PLEKHG5: variants seen among roughly 807,000 people sequenced by gnomAD.
PLEKHG5 encodes the protein pleckstrin homology and RhoGEF domain containing G5.
A neutral mutation model predicts 103.8 loss-of-function variants in PLEKHG5; 52 were observed. The observed-to-expected ratio is 0.50, with a 90% confidence interval of 0.40 to 0.63. The LOEUF (loss-of-function observed/expected upper bound fraction) is 0.63, where lower values mean the gene tolerates loss of function less well. Among genes scored for constraint, PLEKHG5 ranks in the 30% least tolerant of loss-of-function variants. The pLI, the probability that PLEKHG5 is intolerant of heterozygous loss-of-function variation, is 0.00. For missense variants in PLEKHG5, 1,205 were observed against 1,347.6 expected, an observed-to-expected ratio of 0.89 and a Z score of 1.66; for synonymous variants, 592 against 575.5, an observed-to-expected ratio of 1.03 and a Z score of -0.41.
rs2148585629 is a variant in PLEKHG5 at position 6,471,778 on chromosome 1, C to T, written c.1111G>A (p.Glu371Lys). Residue 371 changes from glutamate (E) to lysine (K), a missense_variant, in exon 11 of 21, where the codon GAG becomes AAG. Physicochemically the swap from Glu to Lys is moderately conservative, Grantham distance 56. Transcript: ENST00000377728. ...CGCACCTCACACAGCAGCCCTGACT[C>T]TTGCAGGTTCAGGAGGCAGCACAGG... ...LFLCCLLNLQ[E>K]SGLLCEVEAE... The T allele has an allele frequency of 6.2e-7, 1 of 1,610,532 alleles. No homozygotes were observed. The highest frequency in any genetic ancestry group is 8.5e-7 in the Non-Finnish European group (1 of 1,178,652).
In PLEKHG5 at chr1:6,505,906, C is replaced by A. The variant is rs1457241301; in HGVS notation, c.-164-9337G>T. On this transcript the variant is annotated intron_variant, in intron 1 of 21. Transcript: ENST00000377740. This position sits in a 1 kb window ranked among gnomAD's most constrained non-coding sequence, Gnocchi z 4.2. ...CTCAGGAGTGGCTCTGGCCCCCACA[C>A]CACCGTGGAGCAAGTGACTGTCAGC... The A allele has an allele frequency of 1.3e-5, 2 of 152,600 alleles. No individual in the cohort carries two copies. Among genetic ancestry groups the A allele is most frequent in the South Asian group, 2.1e-4 (1 of 4,842 alleles). The allele number at this position is 152,600 out of a possible 1,614,324, so 9.5% of individuals were successfully genotyped here.
Position 6,475,584 on chromosome 1 carries a change from C to T in PLEKHG5, c.150-62G>A, listed in dbSNP as rs143880915. ...GGGTGGCCCTCGCCAGCGTGGGCGG[C>T]GAGTGGGCCTGTGGCCTCCCCGCCC... is the stretch of plus-strand genomic sequence containing the variant. On this transcript the variant is annotated intron_variant, in intron 3 of 20. Coordinates refer to ENST00000377728, the MANE Select transcript of PLEKHG5 (RefSeq NM_020631.6). 11,165 of 1,432,290 alleles carry T rather than the reference C, an allele frequency of 7.8e-3. 70 individuals carry two copies. Among genetic ancestry groups the T allele is most frequent in the Middle Eastern group, 0.031 (170 of 5,518 alleles). 88.7% of individuals were successfully genotyped at this position (1,432,290 alleles called of 1,614,324 possible). A position where few individuals can be genotyped will look rare whatever the true frequency, so the allele number is the denominator to read the frequency against.
rs1645301027 is a variant in PLEKHG5, at chr1:6,501,955, C to T, written c.-164-5386G>A. ...GTCTCAAGAAAACAGGCCCTCCCTG[C>T]CCACGACCTCCCAACCACAGGCCTG... On this transcript the variant is annotated intron_variant, in intron 1 of 21. Transcript: ENST00000377740. The surrounding 1 kb of genome is among the most constrained non-coding windows in gnomAD (Gnocchi z 4.3). 6.6e-6 allele frequency among the ~76,000 whole-genome samples: 1 copy of T among 152,260 alleles called. No individual in the cohort carries two copies. Among genetic ancestry groups the T allele is most frequent in the Admixed American group, 6.5e-5 (1 of 15,286 alleles).
chr1:6,502,423 C>G (rs1645305416), intron 1 of PLEKHG5, among the ~76,000 whole-genome samples: 1 of 152,214 alleles, frequency 6.6e-6, no homozygotes, highest in Non-Finnish European at 1.5e-5. Context: ...GACCGGAGAG[C>G]TGAACACAGC....
At chr1:6,485,272 C>T in intron 1 of PLEKHG5, 1 of 1,205,446 alleles carries the variant, frequency 8.3e-7, no homozygotes, top group South Asian at 2.1e-5. Flanking sequence ...TGGGCGGCTG[C>T]AGGCGAGAAC....
upstream of PLEKHG5, chr1:6,497,558 C>T (rs1039336500): frequency 1.4e-4 from 21 of 153,598 alleles, 1 homozygote; most frequent in African/African-American, 5.1e-4. This position sits in a 1 kb window ranked among gnomAD's most constrained non-coding sequence, Gnocchi z 6.1. Context: ...TCCCCGGCCC[C>T]TGCGCGCTGC....
rs1645058578 is a variant in PLEKHG5, at chr1:6,487,229, C to T, written c.-88+4408G>A. Among the ~76,000 whole-genome samples the T allele has an allele frequency of 6.6e-6, 1 of 152,146 alleles. No homozygotes were observed. Among genetic ancestry groups the T allele is most frequent in the African/African-American group, 2.4e-5 (1 of 41,432 alleles). On this transcript the variant is annotated intron_variant, in intron 1 of 20. Transcript: ENST00000377728. This position sits in a 1 kb window ranked among gnomAD's most constrained non-coding sequence, Gnocchi z 4.1. ...CTCCCAGGTTCAAGTGATTCTTCTG[C>T]CTCAGCCTCCCCAGTAGCTGGGATT...
At chr1:6,476,884 G>C (rs1644777592) in intron 2 of PLEKHG5, among the ~76,000 whole-genome samples, 1 of 152,214 alleles carries the variant, frequency 6.6e-6, no homozygotes, top group South Asian at 2.1e-4. Flanking sequence ...CCTCCGAGCA[G>C]CTGGGACCAC....
At chr1:6,485,416 G>A (rs1645006501) in intron 1 of PLEKHG5, 2 of 1,343,674 alleles carry the variant, frequency 1.5e-6, no homozygotes, top group Non-Finnish European at 9.5e-7. Flanking sequence ...GCTGCTAGGC[G>A]TCCGGAGACA....
chr1:6,497,659 C>T (rs1486649523), upstream of PLEKHG5, among the ~76,000 whole-genome samples: 1 of 152,044 alleles, frequency 6.6e-6, no homozygotes, highest in Non-Finnish European at 1.5e-5. The surrounding 1 kb of genome is among the most constrained non-coding windows in gnomAD (Gnocchi z 6.1). Flanking sequence ...GCCATCCACG[C>T]GGAGGGTGCC....
rs1366629547 is a variant in PLEKHG5 at position 6,512,610 on chromosome 1, C to T, written c.-165+6835G>A. Among the ~76,000 whole-genome samples the T allele has an allele frequency of 8.5e-5, 13 of 152,216 alleles. 1 individual carries two copies. Among genetic ancestry groups the T allele is most frequent in the Admixed American group, 6.5e-4 (10 of 15,280 alleles). Reference sequence around the variant, plus strand: ...GCCTCGGGACAACTGCAGCCTGGGGCGGGCCGACCACAAACCAGCTCCCAC... The same window carrying T: ...GCCTCGGGACAACTGCAGCCTGGGGTGGGCCGACCACAAACCAGCTCCCAC... On this transcript the variant is annotated intron_variant, in intron 1 of 21. Coordinates refer to the PLEKHG5 transcript ENST00000377740.
In PLEKHG5 at chr1:6,475,886, G is replaced by A. The variant is rs200005987; in HGVS notation, c.149+45C>T. On this transcript the variant is annotated intron_variant, in intron 3 of 20. Coordinates refer to ENST00000377728, the MANE Select transcript of PLEKHG5 (RefSeq NM_020631.6). ...TGAATGTCTGATCTGAGACCCAGCC[G>A]TGGGGCCCTCCAGGTATCTCTCTGC... The A allele has an allele frequency of 1.4e-3, 2,064 of 1,486,194 alleles. 2 individuals carry two copies. Among genetic ancestry groups the A allele is most frequent in the Non-Finnish European group, 1.7e-3 (1,772 of 1,063,598 alleles). 92.1% of individuals were successfully genotyped at this position (1,486,194 alleles called of 1,614,324 possible). A position where few individuals can be genotyped will look rare whatever the true frequency, so the allele number is the denominator to read the frequency against.
rs1241124649 is a variant in PLEKHG5 at position 6,487,691 on chromosome 1, C to A, written c.-88+3946G>T. On this transcript the variant is annotated intron_variant, in intron 1 of 20. Coordinates refer to ENST00000377728, the MANE Select transcript of PLEKHG5 (RefSeq NM_020631.6). This position sits in a 1 kb window ranked among gnomAD's most constrained non-coding sequence, Gnocchi z 4.1. ...TCATCTTAAAATAAACCACCCTTAC[C>A]CTCCCACTCTCAATTCCTTTAAGTT... Among the ~76,000 whole-genome samples the A allele has an allele frequency of 1.3e-5, 2 of 152,174 alleles. No individual in the cohort carries two copies. Among genetic ancestry groups the A allele is most frequent in the African/African-American group, 4.8e-5 (2 of 41,450 alleles).
intron 2 of PLEKHG5, 58 bp from the exon 3 acceptor site, chr1:6,476,094 G>T (rs983211646): frequency 6.2e-6 from 9 of 1,454,170 alleles, no homozygotes; most frequent in Non-Finnish European, 7.7e-6. Flanking sequence ...CCTGCAGCAT[G>T]GCTGCCTCCA....
intron 1 of PLEKHG5, among the ~76,000 whole-genome samples, chr1:6,481,922 CT>C (rs112763661): frequency 2.8e-3 from 395 of 142,256 alleles, no homozygotes; most frequent in Middle Eastern, 3.7e-3. Context: ...ATGACATTGA[CT>C]TTTTTTTTTT....
chr1:6,470,991 GTGA>G lies in PLEKHG5; in HGVS notation c.1388_1390del (p.Ile463del). 6.3e-7 allele frequency: 1 copy of G among 1,587,104 alleles called. No individual in the cohort carries two copies. Among genetic ancestry groups the G allele is most frequent in the Non-Finnish European group, 8.6e-7 (1 of 1,166,926 alleles). On this transcript the variant is annotated inframe_deletion and splice_region_variant, in exon 13 of 21. Coordinates refer to ENST00000377728, the MANE Select transcript of PLEKHG5 (RefSeq NM_020631.6). ...CGCCCACGGCACGCGCGCCCTCACC[GTGA>G]TGTAGGCCCGGAAGAGGTCGTTGTC... is the stretch of plus-strand genomic sequence containing the variant.
intron 1 of PLEKHG5, chr1:6,485,277 G>C: frequency 8.0e-7 from 1 of 1,249,254 alleles, no homozygotes; most frequent in Non-Finnish European, 1.0e-6. Flanking sequence ...GGCTGCAGGC[G>C]AGAACTGGGC....
rs1041322822 is a variant in PLEKHG5, at chr1:6,471,158, C to G, written c.1282-58G>C. On this transcript the variant is annotated intron_variant, in intron 12 of 20. Transcript: ENST00000377728. ...TACCGCGCGCTCCCTGCGGGCCGGCCCGCGCCAGGCGCTGCGCAAGCGCTT... is the reference window on the plus strand; with the variant it reads ...TACCGCGCGCTCCCTGCGGGCCGGCGCGCGCCAGGCGCTGCGCAAGCGCTT... 7.2e-6 allele frequency: 10 copies of G among 1,389,820 alleles called. No individual in the cohort carries two copies. In the African/African-American group the frequency reaches 1.4e-4, roughly 20 times the overall value. The allele number at this position is 1,389,820 out of a possible 1,614,324, so 86.1% of individuals were successfully genotyped here. A position where few individuals can be genotyped will look rare whatever the true frequency, so the allele number is the denominator to read the frequency against.
rs142597237 is a variant in PLEKHG5 at position 6,502,699 on chromosome 1, C to T, written c.-164-6130G>A. On this transcript the variant is annotated intron_variant, in intron 1 of 21. Coordinates refer to the PLEKHG5 transcript ENST00000377740. ...ATAGCTATGAGATCCCAATTCCCGA[C>T]AGTCACACTCCAAGCGCCAGTCCCA... Among the ~76,000 whole-genome samples the T allele has an allele frequency of 1.4e-3, 213 of 152,358 alleles. 1 individual carries two copies. The highest frequency in any genetic ancestry group is 4.9e-3 in the African/African-American group (202 of 41,586).
Sources: allele counts gnomAD v4.1 joint callset (sites outside exome capture counted in the v4.1 genomes callset), GRCh38; gene constraint gnomAD v4.1.1; non-coding constraint Gnocchi (gnomAD v3.1); transcripts MANE v1.5; gene names NCBI Gene and HGNC (gene_info 2026-07-23, HGNC 2026-07-21).